Variants in ANKRD36C observed in about 807,000 individuals in gnomAD.
ANKRD36C encodes ankyrin repeat domain-containing protein 36C.
In ANKRD36C, 61 loss-of-function variants were observed where a neutral mutation model predicts 276.4. That is an observed-to-expected ratio of 0.22 (90% CI 0.18 to 0.27). The LOEUF is 0.27. ANKRD36C is among the 10% of genes least tolerant of loss of function. ANKRD36C has a pLI of 1.00. For missense variants in ANKRD36C, 1,447 were observed against 2,032.3 expected, an observed-to-expected ratio of 0.71 and a Z score of 5.54; for synonymous variants, 483 against 680.1, an observed-to-expected ratio of 0.71 and a Z score of 4.51.
intron 6 of ANKRD36C, among the ~76,000 whole-genome samples, chr2:95,974,326 T>G (rs1678761159): frequency 6.6e-6 from 1 of 152,122 alleles, no homozygotes; most frequent in Admixed American, 6.5e-5. Context: ...GTCACTGTGC[T>G]AAAGATATAA....
At chr2:95,931,000 A>G (rs1332954115) in intron 24 of ANKRD36C, among the ~76,000 whole-genome samples, 1 of 151,474 alleles carries the variant, frequency 6.6e-6, no homozygotes, top group South Asian at 2.1e-4. Flanking sequence ...AAATTACCTC[A>G]CTAGCTGCTT....
Position 95,903,175 on chromosome 2 carries a change from T to C in ANKRD36C, c.2654-3839A>G, listed in dbSNP as rs1676707577. ...GTGTTAGCATCAACCTCTGTCCTCCTGCCTGTATTAGCGTAGGCTTTGATG... is the reference window on the plus strand; with the variant it reads ...GTGTTAGCATCAACCTCTGTCCTCCCGCCTGTATTAGCGTAGGCTTTGATG... On this transcript the variant is annotated intron_variant, in intron 42 of 66. Transcript: ENST00000456556. 1.5e-5 allele frequency: 22 copies of C among 1,515,188 alleles called. No homozygotes were observed. In the Admixed American group the frequency reaches 1.6e-4, roughly 11 times the overall value. The allele number at this position is 1,515,188 out of a possible 1,614,324, so 93.9% of individuals were successfully genotyped here.
At chr2:95,923,505 T>G in exon 32 of ANKRD36C, 1 of 1,610,920 alleles carries the variant, frequency 6.2e-7, no homozygotes, top group East Asian at 2.2e-5. Context: ...CTGTCCCACA[T>G]TGTAGTCCAT....
intron 12 of ANKRD36C, among the ~76,000 whole-genome samples, chr2:95,957,669 G>A (rs550558294): frequency 6.6e-6 from 1 of 152,074 alleles, no homozygotes; most frequent in Non-Finnish European, 1.5e-5. Flanking sequence ...TCTGAATAAG[G>A]TTGTCCATTT....
At chr2:95,980,626 G>C (rs1558663823) in intron 5 of ANKRD36C, 22 bp downstream of exon 5, 1 of 1,605,590 alleles carries the variant, frequency 6.2e-7, no homozygotes, top group Non-Finnish European at 8.5e-7. Context: ...GTGTTCATTA[G>C]CCTTTTTATG....
At chr2:95,877,008 G>A (rs1675973886) in intron 58 of ANKRD36C, among the ~76,000 whole-genome samples, 1 of 148,036 alleles carries the variant, frequency 6.8e-6, no homozygotes, top group African/African-American at 2.5e-5. Context: ...GATGTCACCA[G>A]GTTCAAGCCA....
chr2:95,891,882 T>C (rs905236028), intron 44 of ANKRD36C, 22 bp from the exon 65 acceptor site: 2 of 1,556,642 alleles, frequency 1.3e-6, no homozygotes, highest in Non-Finnish European at 1.7e-6. Context: ...AAGGGATTCA[T>C]AATCACTCAT....
At chr2:95,980,881 A>C in intron 4 of ANKRD36C, 96 bp from the exon 5 acceptor site, 2 of 1,455,130 alleles carry the variant, frequency 1.4e-6, no homozygotes, top group Non-Finnish European at 1.8e-6. Context: ...TCCATGTAGA[A>C]TTAACCCAAT....
intron 60 of ANKRD36C, among the ~76,000 whole-genome samples, chr2:95,861,191 G>GT (rs760688457): frequency 1.8e-3 from 271 of 150,918 alleles, no homozygotes; most frequent in Non-Finnish European, 2.2e-3. Context: ...GGCAGGGAAG[G>GT]TTTTTTTTTA....
At chr2:95,910,335 T>C in intron 42 of ANKRD36C, 38 bp downstream of exon 46, 2 of 1,516,210 alleles carry the variant, frequency 1.3e-6, no homozygotes, top group East Asian at 2.5e-5. Flanking sequence ...CTTATCTATC[T>C]GGACAGAACA....
In ANKRD36C at chr2:95,953,861, C is replaced by T. The variant is rs533146186; in HGVS notation, c.1203+78G>A. 3.8e-5 allele frequency: 52 copies of T among 1,356,082 alleles called. No individual in the cohort carries two copies. In the East Asian group the frequency reaches 1.0e-3, roughly 27 times the overall value. The allele number at this position is 1,356,082 out of a possible 1,614,324, so 84.0% of individuals were successfully genotyped here. A position where few individuals can be genotyped will look rare whatever the true frequency, so the allele number is the denominator to read the frequency against. On this transcript the variant is annotated intron_variant, in intron 14 of 66. Coordinates refer to ENST00000456556, the Ensembl canonical transcript of ANKRD36C. ...ACATAAAACAATGATAGGTAGACAA[C>T]TGCTAAGTTTTAGAAGAAAATAATA...
At chr2:95,963,999 ATATATATATATATATGTGTG>A (rs1433389100) in intron 6 of ANKRD36C, among the ~76,000 whole-genome samples, 212 of 18,426 alleles carry the variant, frequency 0.012, 5 homozygotes, top group African/African-American at 0.043. Context: ...ATATATATAT[ATATATATATATATATGTGTG>A]TGTGTGTCAT....
At chr2:95,912,558 T>C in intron 40 of ANKRD36C, 123 bp from the exon 43 acceptor site, 5 of 1,549,426 alleles carry the variant, frequency 3.2e-6, no homozygotes, top group East Asian at 2.4e-5. Context: ...TTTGATGGCT[T>C]CTATTTTGTG....
chr2:95,986,829 G>A (rs2104544779), exon 3 of ANKRD36C: 1 of 1,611,924 alleles, frequency 6.2e-7, no homozygotes, highest in Non-Finnish European at 8.5e-7. Flanking sequence ...ACACAGCGTA[G>A]TGCAGAGCAG....
At chr2:95,867,500 G>C in exon 60 of ANKRD36C, 1 of 1,410,694 alleles carries the variant, frequency 7.1e-7, no homozygotes, top group South Asian at 1.3e-5. Context: ...TTACAGCAAA[G>C]CGAGTCACCG....
intron 13 of ANKRD36C, 118 bp downstream of exon 13, chr2:95,956,668 A>G: frequency 1.1e-6 from 1 of 919,506 alleles, no homozygotes; most frequent in Non-Finnish European, 1.6e-6. Flanking sequence ...ATGACATGAT[A>G]AATATTAAGC....
chr2:95,870,108 C>T (rs1281121237), intron 59 of ANKRD36C, among the ~76,000 whole-genome samples: 2 of 152,242 alleles, frequency 1.3e-5, no homozygotes, highest in African/African-American at 2.4e-5. Context: ...AAAAAGACAG[C>T]AGTAACCTCT....
At chr2:95,976,459 T>C (rs1015758767) in intron 6 of ANKRD36C, among the ~76,000 whole-genome samples, 1 of 152,182 alleles carries the variant, frequency 6.6e-6, no homozygotes, top group African/African-American at 2.4e-5. Context: ...CAGACTTTTG[T>C]TTCAGAATGC....
chr2:95,927,165 C>G, intron 28 of ANKRD36C, 49 bp downstream of exon 28: 2 of 1,603,376 alleles, frequency 1.2e-6, no homozygotes, highest in South Asian at 2.2e-5. Flanking sequence ...AAGAGAAGTA[C>G]TTTTCTATCT....
Sources: gnomAD v4.1 joint callset for allele counts (sites outside exome capture counted in the v4.1 genomes callset) on GRCh38, gnomAD v4.1.1 for gene constraint, MANE v1.5 for transcripts, NCBI Gene and HGNC (gene_info 2026-07-23, HGNC 2026-07-21) for gene names.